Variants in SLC12A3 observed in about 807,000 individuals in gnomAD.
SLC12A3 encodes Na-Cl cotransporter.
In SLC12A3, 104 loss-of-function variants were observed where a neutral mutation model predicts 121.0. The observed-to-expected ratio is 0.86, with a 90% CI of 0.73 to 1.01. SLC12A3 has a LOEUF of 1.01. SLC12A3 is among the 50% of genes least tolerant of loss of function. The pLI, the probability that SLC12A3 is intolerant of heterozygous loss-of-function variation, is 0.00. For missense variants in SLC12A3, 1,328 were observed against 1,356.3 expected (o/e 0.98, Z 0.33); for synonymous variants, 536 against 533.4 (o/e 1.00, Z -0.07).
At position 56,868,212 on chromosome 16, in the gene SLC12A3, TA is replaced by T; in HGVS notation, c.430-84del. 5.4e-6 allele frequency: 7 copies of T among 1,296,568 alleles called. No homozygotes were observed. In the South Asian group the frequency reaches 8.7e-5, roughly 16 times the overall value. 80.3% of individuals were successfully genotyped at this position (1,296,568 alleles called of 1,614,324 possible). A position where few individuals can be genotyped will look rare whatever the true frequency, so the allele number is the denominator to read the frequency against. On this transcript the variant is annotated intron_variant, in intron 2 of 25. Coordinates refer to ENST00000563236, the MANE Select transcript of SLC12A3 (RefSeq NM_001126108.2). ...GTGTCCCTAGGGCCTAGGTGCTCGA[TA>T]CCCTGCCATAGCAAGGGACAGGGAC...
At chr16:56,893,575 T>C (rs1044442024) in intron 21 of SLC12A3, among the ~76,000 whole-genome samples, 5 of 152,150 alleles carry the variant, frequency 3.3e-5, no homozygotes, top group Non-Finnish European at 7.3e-5. Context: ...GTAGGAGCTG[T>C]CATGATTAAC....
At position 56,885,339 on chromosome 16, in the gene SLC12A3, G is replaced by A; in HGVS notation, c.1900G>A (p.Val634Met). Residue 634 changes from valine (V) to methionine (M), a missense_variant, in exon 15 of 26, where the codon GTG becomes ATG. Physicochemically the swap from Val to Met is conservative, Grantham distance 21. Coordinates refer to ENST00000563236, the MANE Select transcript of SLC12A3 (RefSeq NM_001126108.2). Reference sequence around the variant, plus strand: ...CAGCTACTCGGTGGGCCTCAATGAGGTGGAAGACCACATCAAGAACTACCG... The same window carrying A: ...CAGCTACTCGGTGGGCCTCAATGAGATGGAAGACCACATCAAGAACTACCG... ...ALSYSVGLNE[V>M]EDHIKNYRPQ... 6.4e-7 allele frequency: 1 copy of A among 1,554,912 alleles called. No homozygotes were observed. Among genetic ancestry groups the A allele is most frequent in the Non-Finnish European group, 8.7e-7 (1 of 1,148,572 alleles).
chr16:56,895,175 A>C (rs2144749712), intron 22 of SLC12A3, among the ~76,000 whole-genome samples: 1 of 148,008 alleles, frequency 6.8e-6, no homozygotes, highest in South Asian at 2.1e-4. Flanking sequence ...CTATGTTTTA[A>C]ATTTTTATAT....
chr16:56,900,306 A>T (rs1007422197), intron 23 of SLC12A3, among the ~76,000 whole-genome samples: 2 of 152,162 alleles, frequency 1.3e-5, no homozygotes, highest in African/African-American at 4.8e-5. Flanking sequence ...CTGCAGCCCC[A>T]TCCTCCAAGC....
chr16:56,867,514 T>C (rs1019531259), intron 2 of SLC12A3, among the ~76,000 whole-genome samples: 3 of 152,188 alleles, frequency 2.0e-5, no homozygotes, highest in Admixed American at 6.6e-5. Flanking sequence ...AGGAGCAGGA[T>C]TAAGTTTCCA....
Position 56,911,307 on chromosome 16 carries a change from TTTTGTTTG to T in SLC12A3, c.2925-1929_2925-1922del, listed in dbSNP as rs10695057. Among the ~76,000 whole-genome samples, 238 of 148,434 alleles carry T rather than the reference TTTTGTTTG, an allele frequency of 1.6e-3. 1 individual carries two copies. The highest frequency in any genetic ancestry group is 3.9e-3 in the African/African-American group (160 of 40,710). The stretch of plus-strand genomic sequence containing the variant: ...CCCACCTTCCCTAATTTTTGAGACC[TTTTGTTTG>T]TTTGTTTGTTTGTTTGTTTGTTTGT... On this transcript the variant is annotated intron_variant, in intron 25 of 25. Coordinates refer to ENST00000563236, the MANE Select transcript of SLC12A3 (RefSeq NM_001126108.2).
Position 56,887,917 on chromosome 16 carries a change from C to T in SLC12A3, c.2179-8C>T, listed in dbSNP as rs13306676. The T allele has an allele frequency of 0.13, 203,013 of 1,608,166 alleles. 13,540 individuals are homozygous for T. Among genetic ancestry groups the T allele is most frequent in the Non-Finnish European group, 0.13 (155,226 of 1,176,672 alleles). On this transcript the variant is annotated splice_region_variant and splice_polypyrimidine_tract_variant and intron_variant, in intron 17 of 25. Transcript: ENST00000563236. Reference sequence around the variant, plus strand: ...TGGGTTCCCCATCTCACCCCTATCCCCTGGCAGGCCGCAGGTCTCGGGAGA... The same window carrying T: ...TGGGTTCCCCATCTCACCCCTATCCTCTGGCAGGCCGCAGGTCTCGGGAGA...
intron 18 of SLC12A3, among the ~76,000 whole-genome samples, chr16:56,888,360 T>G (rs1478878649): frequency 6.6e-6 from 1 of 151,988 alleles, no homozygotes; most frequent in Non-Finnish European, 1.5e-5. Flanking sequence ...GACCTGTGAG[T>G]CATGGACACC....
In SLC12A3 at chr16:56,895,130, G is replaced by C. The variant is rs139897025; in HGVS notation, c.2633+488G>C. The stretch of plus-strand genomic sequence containing the variant: ...GCTGGATCCAGGAGTCCAGGAGTTC[G>C]AGACCAACCTGGGTGACATGGCAAA... On this transcript the variant is annotated intron_variant, in intron 22 of 25. Transcript: ENST00000563236. Among the ~76,000 whole-genome samples the C allele has an allele frequency of 5.8e-3, 869 of 151,010 alleles. 7 individuals are homozygous for C. The highest frequency in any genetic ancestry group is 0.015 in the African/African-American group (629 of 41,272).
chr16:56,901,975 TC>T (rs1188807494), intron 23 of SLC12A3, among the ~76,000 whole-genome samples: 1 of 152,234 alleles, frequency 6.6e-6, no homozygotes, highest in Non-Finnish European at 1.5e-5. Context: ...TTATTCTCTG[TC>T]CCAGTACTTG....
At chr16:56,881,446 G>C (rs183006397) in intron 12 of SLC12A3, among the ~76,000 whole-genome samples, 124 of 151,654 alleles carry the variant, frequency 8.2e-4, no homozygotes, top group African/African-American at 2.8e-3. Flanking sequence ...CTTTCATCTG[G>C]GGGGGGGTCT....
chr16:56,886,730 G>A (rs1223850513), intron 16 of SLC12A3, among the ~76,000 whole-genome samples: 1 of 151,816 alleles, frequency 6.6e-6, no homozygotes, highest in African/African-American at 2.4e-5. Context: ...GGCCCCTCTT[G>A]CTGGCTTCTC....
chr16:56,900,822 C>T (rs543695748), intron 23 of SLC12A3, among the ~76,000 whole-genome samples: 31 of 152,116 alleles, frequency 2.0e-4, no homozygotes, highest in Non-Finnish European at 1.0e-4. Context: ...TGAGCCACTG[C>T]GCCCAGCCTA....
chr16:56,881,195 G>A (rs1489242702), intron 12 of SLC12A3, among the ~76,000 whole-genome samples: 1 of 152,220 alleles, frequency 6.6e-6, no homozygotes, highest in African/African-American at 2.4e-5. Flanking sequence ...TGCCAACAGT[G>A]AATCCATGCC....
chr16:56,906,777 G>A, intron 25 of SLC12A3: 1 of 757,186 alleles, frequency 1.3e-6, no homozygotes, highest in South Asian at 1.5e-5. Context: ...CTTGGATTAT[G>A]CAAAGAAAAG....
chr16:56,878,521 C>T (rs1292033388), intron 9 of SLC12A3, among the ~76,000 whole-genome samples: 7 of 152,048 alleles, frequency 4.6e-5, no homozygotes, highest in East Asian at 1.9e-4. Context: ...CCATGTGCCC[C>T]GCCCTTTGCA....
chr16:56,890,532 C>T lies in SLC12A3; in HGVS notation c.2368+176C>T, dbSNP rs544089853. Among the ~76,000 whole-genome samples the T allele has an allele frequency of 1.2e-3, 190 of 152,344 alleles. 1 individual carries two copies. The highest frequency in any genetic ancestry group is 4.4e-3 in the African/African-American group (181 of 41,576). On this transcript the variant is annotated intron_variant, in intron 19 of 25. Coordinates refer to ENST00000563236, the MANE Select transcript of SLC12A3 (RefSeq NM_001126108.2). Reference sequence around the variant, plus strand: ...AAAGAGAAAGCAACGCATTCAAGGTCATGCTTCCCAGGTGGGGCAGAGCCA... The same window carrying T: ...AAAGAGAAAGCAACGCATTCAAGGTTATGCTTCCCAGGTGGGGCAGAGCCA...
chr16:56,875,305 A>T (rs1374392003), intron 8 of SLC12A3, among the ~76,000 whole-genome samples: 1 of 152,114 alleles, frequency 6.6e-6, no homozygotes, highest in Non-Finnish European at 1.5e-5. Context: ...AGCTTCCCCA[A>T]TTCTAAAATG....
chr16:56,901,349 T>C (rs377098577), intron 23 of SLC12A3, among the ~76,000 whole-genome samples: 1 of 145,014 alleles, frequency 6.9e-6, no homozygotes, highest in Non-Finnish European at 1.5e-5. Context: ...CTCTCTCTCT[T>C]TTTTTTTTTT....
Sources: gnomAD v4.1 joint callset for allele counts (sites outside exome capture counted in the v4.1 genomes callset) on GRCh38, gnomAD v4.1.1 for gene constraint, MANE v1.5 for transcripts, NCBI Gene and HGNC (gene_info 2026-07-23, HGNC 2026-07-21) for gene names.